Variants in RGPD4 observed in about 807,000 individuals in gnomAD.
RGPD4 encodes the protein ranBP2-like and GRIP domain-containing protein 4.
RGPD4 carries 84 observed loss-of-function variants against 141.1 expected under a neutral mutation model. That is an observed-to-expected ratio of 0.60 (90% CI 0.50 to 0.71). The LOEUF is 0.71. RGPD4 is among the 30% of genes least tolerant of loss of function. The probability of loss-of-function intolerance (pLI) is 0.00; values close to 1 mark genes in which losing one functional copy is unlikely to be tolerated. For synonymous variants in RGPD4, 298 were observed against 566.8 expected (o/e 0.53, Z 6.74); for missense variants, 918 against 1,622.4 (o/e 0.57, Z 7.46).
intron 1 of RGPD4, among the ~76,000 whole-genome samples, chr2:107,828,216 G>A (rs1355964527): frequency 3.8e-5 from 1 of 26,634 alleles, no homozygotes. Context: ...CGACCTGGCC[G>A]GGCGGCGGCG....
chr2:107,856,819 AC>A lies in RGPD4; in HGVS notation c.1127del (p.Thr376IlefsTer83). Reference protein sequence around the residue: ...KQDFLKVVVETFANKSGQSAL... With the variant: ...KQDFLKVVVEXFANKSGQSAL... ...AGATTTTTTAAAAGTGGTTGTTGAA[AC>A]TTTTGCCAACAAAAGCGGGCAGTCT... is the stretch of plus-strand genomic sequence containing the variant. On this transcript the variant is annotated frameshift_variant, in exon 9 of 23. Coordinates refer to ENST00000408999, the MANE Select transcript of RGPD4 (RefSeq NM_182588.3). LOFTEE classifies it high-confidence loss of function. 1 of 610,744 alleles carries A rather than the reference AC, an allele frequency of 1.6e-6. No individual in the cohort carries two copies. Among genetic ancestry groups the A allele is most frequent in the Admixed American group, 3.8e-5 (1 of 26,080 alleles). 37.8% of individuals were successfully genotyped at this position (610,744 alleles called of 1,614,324 possible).
At chr2:107,873,574 C>CA (rs3053241) in intron 20 of RGPD4, among the ~76,000 whole-genome samples, 4,590 of 124,940 alleles carry the variant, frequency 0.037, 183 homozygotes, top group African/African-American at 0.07. Flanking sequence ...ACTTTGTCTC[C>CA]AAAAAAAAAA....
chr2:107,828,794 T>C (rs1681345016), intron 1 of RGPD4, among the ~76,000 whole-genome samples: 1 of 22,670 alleles, frequency 4.4e-5, no homozygotes, highest in Non-Finnish European at 9.4e-5. Flanking sequence ...CGCTGCTCCC[T>C]GGCGCGCTCT....
In RGPD4 at chr2:107,827,002, G is replaced by A. The variant is rs1489410474; in HGVS notation, c.-12G>A. On this transcript the variant is annotated 5_prime_UTR_variant, in exon 1 of 23. Coordinates refer to ENST00000408999, the MANE Select transcript of RGPD4 (RefSeq NM_182588.3). ...TGGTTTCACGCGTCTCGGGAGCCAG[G>A]TTGGTGGCGCGATGAGTTGCAGCAA... 11 of 1,596,000 alleles carry A rather than the reference G, an allele frequency of 6.9e-6. No homozygotes were observed. Among genetic ancestry groups the A allele is most frequent in the East Asian group, 2.3e-5 (1 of 44,206 alleles).
At chr2:107,854,738 A>C in intron 8 of RGPD4, 95 bp downstream of exon 8, 1 of 1,539,894 alleles carries the variant, frequency 6.5e-7, no homozygotes, top group South Asian at 1.2e-5. Flanking sequence ...CCAGGAGATA[A>C]TTTGTCAAAA....
At chr2:107,883,641 AAAAAC>A (rs1282646521) in intron 22 of RGPD4, among the ~76,000 whole-genome samples, 334 of 16,530 alleles carry the variant, frequency 0.02, 35 homozygotes, top group African/African-American at 0.14. Context: ...AAAAAAAAAC[AAAAAC>A]AAAAAACTAT....
In RGPD4 at chr2:107,846,515, A is replaced by G. The variant is rs1233037124; in HGVS notation, c.783-1826A>G. On this transcript the variant is annotated intron_variant, in intron 6 of 22. Coordinates refer to ENST00000408999, the MANE Select transcript of RGPD4 (RefSeq NM_182588.3). ...GAGTTTTGCTCTTGTTGCCCAGGCT[A>G]GAGTGCAACAGTGTGATCTCGGATC... 4.0e-5 allele frequency among the ~76,000 whole-genome samples: 6 copies of G among 151,398 alleles called. No homozygotes were observed. In the East Asian group the frequency reaches 1.2e-3, roughly 30 times the overall value.
rs745749447 is a variant in RGPD4 at position 107,880,122 on chromosome 2, C to T, written c.5064+15C>T. On this transcript the variant is annotated intron_variant, in intron 21 of 22. Transcript: ENST00000408999. The stretch of plus-strand genomic sequence containing the variant: ...AGCAAATTAAGGTGAGATCAGAAAA[C>T]CTGGCCACCATGAAAACTGCCAATT... 7 of 1,611,492 alleles carry T rather than the reference C, an allele frequency of 4.3e-6. No homozygotes were observed. The highest frequency in any genetic ancestry group is 5.9e-6 in the Non-Finnish European group (7 of 1,179,840).
intron 20 of RGPD4, among the ~76,000 whole-genome samples, chr2:107,877,824 T>A (rs1683133045): frequency 6.6e-6 from 1 of 151,784 alleles, no homozygotes; most frequent in Non-Finnish European, 1.5e-5. Context: ...TTGTTTGTTT[T>A]TTTGTTTTGA....
At chr2:107,888,347 C>T (rs1228776917) in intron 22 of RGPD4, among the ~76,000 whole-genome samples, 4 of 149,950 alleles carry the variant, frequency 2.7e-5, no homozygotes, top group African/African-American at 5.0e-5. Context: ...TCAGCTTACA[C>T]CATTCATTGC....
chr2:107,863,459 C>T lies in RGPD4; in HGVS notation c.2469+427C>T, dbSNP rs375875706. On this transcript the variant is annotated intron_variant, in intron 17 of 22. Coordinates refer to ENST00000408999, the MANE Select transcript of RGPD4 (RefSeq NM_182588.3). ...TGCAGGTGTGAGCCACTGTGCCCAG[C>T]CTACATACCTTGGTCTTGACCCTTT... Among the ~76,000 whole-genome samples, 879 of 131,246 alleles carry T rather than the reference C, an allele frequency of 6.7e-3. 3 individuals are homozygous for T. The highest frequency in any genetic ancestry group is 0.011 in the Non-Finnish European group (687 of 61,912). The allele number at this position is 131,246 out of a possible 152,430, so 86.1% of individuals were successfully genotyped here.
At chr2:107,856,014 A>G (rs1304953361) in intron 8 of RGPD4, among the ~76,000 whole-genome samples, 5 of 125,980 alleles carry the variant, frequency 4.0e-5, no homozygotes, top group Non-Finnish European at 6.3e-5. Flanking sequence ...CTGTAAACCT[A>G]TGGCATAAAA....
At chr2:107,882,959 T>A in intron 22 of RGPD4, 86 bp downstream of exon 22, 1 of 786,026 alleles carries the variant, frequency 1.3e-6, no homozygotes, top group Non-Finnish European at 2.1e-6. Flanking sequence ...TATGTGTAAC[T>A]TTTCAATTTT....
intron 1 of RGPD4, 22 bp downstream of exon 1, chr2:107,827,107 C>A (rs1490823598): frequency 1.9e-6 from 3 of 1,577,978 alleles, no homozygotes; most frequent in African/African-American, 1.3e-5. Flanking sequence ...TCGAAGAGAC[C>A]GACGGCCTCG....
chr2:107,890,548 C>CAAAAAAAAAAAAAAAA (rs1210623696), intron 22 of RGPD4, among the ~76,000 whole-genome samples, 173 bp from the exon 23 acceptor site: 1 of 16,280 alleles, frequency 6.1e-5, no homozygotes, highest in Non-Finnish European at 9.6e-5. Context: ...GACCCTGTCT[C>CAAAAAAAAAAAAAAAA]AAAAAAAAAA....
intron 12 of RGPD4, 126 bp from the exon 13 acceptor site, chr2:107,860,640 A>G (rs974719218): frequency 6.8e-7 from 1 of 1,460,524 alleles, no homozygotes; most frequent in South Asian, 1.3e-5. Flanking sequence ...AAGTTGAACA[A>G]ATGACTATTG....
rs1424119300 is a variant in RGPD4, at chr2:107,829,262, CG to C, written c.72+2179del. Among the ~76,000 whole-genome samples, 10 of 32,614 alleles carry C rather than the reference CG, an allele frequency of 3.1e-4. 2 individuals are homozygous for C. Among genetic ancestry groups the C allele is most frequent in the Non-Finnish European group, 7.1e-4 (10 of 14,116 alleles). The allele number at this position is 32,614 out of a possible 152,430, so 21.4% of individuals were successfully genotyped here. A position where few individuals can be genotyped will look rare whatever the true frequency, so the allele number is the denominator to read the frequency against. ...TGCTCCCTGGCGCGCTCTGTTGAGG[CG>C]GCGGCCTTGACCCGGCCCGGCGGCG... On this transcript the variant is annotated intron_variant, in intron 1 of 22. Coordinates refer to ENST00000408999, the MANE Select transcript of RGPD4 (RefSeq NM_182588.3).
chr2:107,883,644 A>T lies in RGPD4; in HGVS notation c.5266+771A>T. 3.1e-5 allele frequency among the ~76,000 whole-genome samples: 2 copies of T among 65,372 alleles called. 1 individual carries two copies. The highest frequency in any genetic ancestry group is 5.5e-4 in the East Asian group (2 of 3,634). The allele number at this position is 65,372 out of a possible 152,430, so 42.9% of individuals were successfully genotyped here. A position where few individuals can be genotyped will look rare whatever the true frequency, so the allele number is the denominator to read the frequency against. On this transcript the variant is annotated intron_variant, in intron 22 of 22. Coordinates refer to ENST00000408999, the MANE Select transcript of RGPD4 (RefSeq NM_182588.3). ...CCATCTCAAAAAAAAAAAAAACAAA[A>T]ACAAAAAACTATGATGTAGTTAGAG...
At position 107,871,291 on chromosome 2, in the gene RGPD4, C is replaced by G. The variant is rs4012382; in HGVS notation, c.3287C>G (p.Pro1096Arg). 1 of 1,606,950 alleles carries G rather than the reference C, an allele frequency of 6.2e-7. No homozygotes were observed. Among genetic ancestry groups the G allele is most frequent in the Admixed American group, 1.7e-5 (1 of 59,422 alleles). Residue 1096 changes from proline to arginine, a missense_variant, in exon 20 of 23, where the codon CCA becomes CGA. Physicochemically the swap from Pro to Arg is moderately radical, Grantham distance 103 (BLOSUM62 -2). Transcript: ENST00000408999. Reference sequence around the variant, plus strand: ...CTCAAAAACGAGGTCAATGGCAAACCAAGAATGCTGATGCGAAGAGAACAA... The same window carrying G: ...CTCAAAAACGAGGTCAATGGCAAACGAAGAATGCTGATGCGAAGAGAACAA... ...KILKNEVNGK[P>R]RMLMRREQVL...
Sources: allele counts gnomAD v4.1 joint callset (sites outside exome capture counted in the v4.1 genomes callset), GRCh38; gene constraint gnomAD v4.1.1; transcripts MANE v1.5; gene names NCBI Gene and HGNC (gene_info 2026-07-23, HGNC 2026-07-21).